PAK5: variants seen among roughly 807,000 people sequenced by gnomAD.
PAK5 encodes serine/threonine-protein kinase PAK 5.
In PAK5, 16 loss-of-function variants were observed where a neutral mutation model predicts 65.9. That is an observed-to-expected ratio of 0.24 (90% CI 0.16 to 0.37). PAK5 has a LOEUF of 0.37. PAK5 is among the 10% of genes least tolerant of loss of function. The pLI, the probability that PAK5 is intolerant of heterozygous loss-of-function variation, is 1.00. For missense variants in PAK5, 785 were observed against 903.9 expected, an observed-to-expected ratio of 0.87 and a Z score of 1.69; for synonymous variants, 371 against 354.9, an observed-to-expected ratio of 1.05 and a Z score of -0.51.
At chr20:9,575,429 G>A (rs1423902800) in intron 4 of PAK5, among the ~76,000 whole-genome samples, 1 of 152,196 alleles carries the variant, frequency 6.6e-6, no homozygotes, top group Non-Finnish European at 1.5e-5. Flanking sequence ...CTAAGCGCTT[G>A]AATCCAGGGA....
chr20:9,695,934 T>C (rs2047863121), intron 2 of PAK5, among the ~76,000 whole-genome samples: 1 of 152,076 alleles, frequency 6.6e-6, no homozygotes, highest in Non-Finnish European at 1.5e-5. Context: ...GAGTCATACA[T>C]GTTAACTTTA....
At chr20:9,604,408 C>T (rs1247582980) in intron 3 of PAK5, among the ~76,000 whole-genome samples, 1 of 152,208 alleles carries the variant, frequency 6.6e-6, no homozygotes, top group Non-Finnish European at 1.5e-5. Flanking sequence ...CATTTTCTGG[C>T]TCTGGGTCTC....
intron 7 of PAK5, among the ~76,000 whole-genome samples, chr20:9,555,718 C>A (rs1316363927): frequency 6.6e-6 from 1 of 152,152 alleles, no homozygotes; most frequent in Non-Finnish European, 1.5e-5. Flanking sequence ...TATCAAGAGG[C>A]AGAGTTTATA....
intron 4 of PAK5, among the ~76,000 whole-genome samples, chr20:9,567,962 G>A (rs527311693): frequency 3.0e-4 from 45 of 152,292 alleles, no homozygotes; most frequent in African/African-American, 1.1e-3. Context: ...TTCCTAGGAG[G>A]GGTGGTTTGG....
intron 1 of PAK5, among the ~76,000 whole-genome samples, chr20:9,753,711 T>C (rs1437511620): frequency 1.3e-5 from 2 of 152,172 alleles, no homozygotes; most frequent in Non-Finnish European, 2.9e-5. Context: ...ATATTTCTTA[T>C]GTTTTGCCAA....
intron 1 of PAK5, among the ~76,000 whole-genome samples, chr20:9,714,545 G>T (rs77808848): frequency 0.054 from 8,279 of 152,182 alleles, 289 homozygotes; most frequent in Middle Eastern, 0.1. Flanking sequence ...GTGTTGTGAA[G>T]ATTTTCCAAT....
At chr20:9,830,628 C>T (rs1167318746) in intron 1 of PAK5, among the ~76,000 whole-genome samples, 1 of 152,134 alleles carries the variant, frequency 6.6e-6, no homozygotes, top group East Asian at 1.9e-4. Context: ...CTAGGATTTT[C>T]TCTTACCTGA....
rs73242885 is a variant in PAK5 at position 9,722,691 on chromosome 20, C to T, written c.-161-11256G>A. Among the ~76,000 whole-genome samples, 815 of 151,924 alleles carry T rather than the reference C, an allele frequency of 5.4e-3. 10 individuals are homozygous for T. Among genetic ancestry groups the T allele is most frequent in the African/African-American group, 0.019 (783 of 41,444 alleles). ...ACCAGACCACGCATGGCTTTTCAGGCTACAGTAAATATTTTGGATTTTATT... is the reference window on the plus strand; with the variant it reads ...ACCAGACCACGCATGGCTTTTCAGGTTACAGTAAATATTTTGGATTTTATT... On this transcript the variant is annotated intron_variant, in intron 1 of 9. Transcript: ENST00000353224.
intron 2 of PAK5, among the ~76,000 whole-genome samples, chr20:9,656,404 A>C (rs986005101): frequency 2.0e-5 from 3 of 152,136 alleles, no homozygotes; most frequent in African/African-American, 7.2e-5. Context: ...GCTTCTAAGG[A>C]ACCCAGATAA....
chr20:9,747,332 T>G (rs1252360578), intron 1 of PAK5, among the ~76,000 whole-genome samples: 1 of 152,088 alleles, frequency 6.6e-6, no homozygotes, highest in Middle Eastern at 3.2e-3. Context: ...CTAACTCATT[T>G]TATGAGGCCA....
At chr20:9,603,785 AT>A (rs2046402416) in intron 3 of PAK5, among the ~76,000 whole-genome samples, 1 of 152,040 alleles carries the variant, frequency 6.6e-6, no homozygotes, top group Admixed American at 6.6e-5. Flanking sequence ...ACCGTATGAG[AT>A]TTGCACTATT....
intron 2 of PAK5, among the ~76,000 whole-genome samples, chr20:9,709,432 C>CTGTT (rs1174716969): frequency 1.3e-5 from 2 of 152,134 alleles, no homozygotes; most frequent in Non-Finnish European, 2.9e-5. Flanking sequence ...CTTGTCCATG[C>CTGTT]TGTTTATCAA....
chr20:9,570,924 G>A (rs1039083845), intron 4 of PAK5, among the ~76,000 whole-genome samples: 2 of 152,196 alleles, frequency 1.3e-5, no homozygotes, highest in African/African-American at 2.4e-5. Flanking sequence ...ATGACATAAA[G>A]AAGAAGCCTG....
intron 1 of PAK5, among the ~76,000 whole-genome samples, chr20:9,734,623 T>C (rs990510946): frequency 9.2e-5 from 14 of 151,638 alleles, no homozygotes; most frequent in African/African-American, 3.4e-4. Context: ...CAGGACCTGC[T>C]AATAATTCAC....
At chr20:9,689,087 C>T (rs778038190) in intron 2 of PAK5, among the ~76,000 whole-genome samples, 3 of 152,202 alleles carry the variant, frequency 2.0e-5, no homozygotes, top group East Asian at 3.9e-4. Context: ...CCCAAAGAAC[C>T]GCCAGCCCTT....
chr20:9,729,276 A>G (rs1230438229), intron 1 of PAK5, among the ~76,000 whole-genome samples: 2 of 152,132 alleles, frequency 1.3e-5, no homozygotes, highest in East Asian at 3.8e-4. Flanking sequence ...ATTTATTTGA[A>G]TGAGATGCTA....
At chr20:9,812,862 T>C (rs549813062) in intron 1 of PAK5, among the ~76,000 whole-genome samples, 14 of 152,290 alleles carry the variant, frequency 9.2e-5, no homozygotes, top group Non-Finnish European at 1.8e-4. Flanking sequence ...ATGTGACGGA[T>C]ATCCCAGTTA....
At chr20:9,685,269 A>G (rs1228714259) in intron 2 of PAK5, among the ~76,000 whole-genome samples, 1 of 152,166 alleles carries the variant, frequency 6.6e-6, no homozygotes, top group African/African-American at 2.4e-5. Flanking sequence ...GGGTTCTTCT[A>G]AAGTTCATAT....
At chr20:9,717,817 G>A (rs2048167319) in intron 1 of PAK5, among the ~76,000 whole-genome samples, 1 of 152,178 alleles carries the variant, frequency 6.6e-6, no homozygotes, top group Admixed American at 6.5e-5. Flanking sequence ...ACAGGGTTCC[G>A]CCATGTTGGC....
Sources: allele counts gnomAD v4.1 joint callset (sites outside exome capture counted in the v4.1 genomes callset), GRCh38; gene constraint gnomAD v4.1.1; transcripts MANE v1.5; gene names NCBI Gene and HGNC (gene_info 2026-07-23, HGNC 2026-07-21).